Variants in ADGRF3 observed in about 807,000 individuals in gnomAD.
The protein encoded by ADGRF3 is G protein-coupled receptor 113.
A neutral mutation model predicts 93.2 loss-of-function variants in ADGRF3; 85 were observed. The observed-to-expected ratio is 0.91, with a 90% CI of 0.77 to 1.09. ADGRF3 has a LOEUF of 1.09. Among genes scored for constraint, ADGRF3 ranks in the 50% least tolerant of loss-of-function variants. The pLI is 0.00. For missense variants in ADGRF3, 1,125 were observed against 1,246.2 expected (o/e 0.90, Z 1.46); for synonymous variants, 534 against 532.5 (o/e 1.00, Z -0.04).
At chr2:26,322,233 GA>G (rs1675192364) in intron 1 of ADGRF3, among the ~76,000 whole-genome samples, 1 of 140,004 alleles carries the variant, frequency 7.1e-6, no homozygotes, top group African/African-American at 2.7e-5. Context: ...AGTGAGCCGA[GA>G]TCACTGCCAC....
chr2:26,345,221 G>T (rs1283117736), intron 1 of ADGRF3, among the ~76,000 whole-genome samples: 4 of 152,126 alleles, frequency 2.6e-5, no homozygotes, highest in African/African-American at 9.7e-5. Context: ...CACAGAAGGC[G>T]CTCAATAAAA....
At chr2:26,316,168 C>A (rs926068144) in intron 4 of ADGRF3, 107 bp downstream of exon 4, 6 of 1,187,658 alleles carry the variant, frequency 5.1e-6, no homozygotes, top group African/African-American at 1.5e-5. Flanking sequence ...AGAGGAGCAG[C>A]TGTGCTTGGA....
rs1471369145 is a variant in ADGRF3, at chr2:26,346,367, C to G, written c.-133G>C. 6.8e-7 allele frequency: 1 copy of G among 1,475,586 alleles called. No individual in the cohort carries two copies. The highest frequency in any genetic ancestry group is 2.5e-5 in the East Asian group (1 of 39,502). 91.4% of individuals were successfully genotyped at this position (1,475,586 alleles called of 1,614,324 possible). The stretch of plus-strand genomic sequence containing the variant: ...GCTGAGGGGCCCGCGCGGCGCGGTC[C>G]GTGTCACCTTGTGCCGCGTGGCTCC... On this transcript the variant is annotated 5_prime_UTR_variant, in exon 1 of 14. Coordinates refer to ENST00000651242, the MANE Select transcript of ADGRF3 (RefSeq NM_001321971.2).
At position 26,316,366 on chromosome 2, in the gene ADGRF3, G is replaced by A; in HGVS notation, c.408C>T (p.Tyr136=). The A allele has an allele frequency of 1.3e-6, 2 of 1,551,874 alleles. No individual in the cohort carries two copies. ...YQWNTSICLH[Y]PPCQSLHNHQ... ...GGTTGTGGAGGCTTTGACAAGGAGG[G>A]TAATGGAGGCAGATGCTGGTGTTCC... Residue 136 remains tyrosine (Y), a synonymous_variant, in exon 4 of 14, where the codon TAC becomes TAT. Transcript: ENST00000651242.
intron 4 of ADGRF3, 27 bp downstream of exon 4, chr2:26,316,248 G>C: frequency 1.9e-6 from 3 of 1,546,052 alleles, no homozygotes; most frequent in Non-Finnish European, 2.6e-6. Context: ...TAAGGCCATT[G>C]GTTTCCAAGT....
intron 6 of ADGRF3, 102 bp downstream of exon 6, chr2:26,314,312 G>A (rs1462570175): frequency 3.6e-6 from 4 of 1,104,762 alleles, no homozygotes; most frequent in Non-Finnish European, 5.2e-6. Flanking sequence ...CTCTCTGGTT[G>A]AACTGTGGCC....
chr2:26,311,976 C>G lies in ADGRF3; in HGVS notation c.1548G>C (p.Leu516=). Residue 516 remains leucine (L), a synonymous_variant, in exon 10 of 14, where the codon CTG becomes CTC. Transcript: ENST00000651242. ...ARKPWAGSTL[L]LAVETLACSL... ...TGCATGCCAGGGTCTCCACAGCCAGCAGGAGAGTCGAGCCTGCCCAGGGCT... is the reference window on the plus strand; with the variant it reads ...TGCATGCCAGGGTCTCCACAGCCAGGAGGAGAGTCGAGCCTGCCCAGGGCT... 1 of 1,613,562 alleles carries G rather than the reference C, an allele frequency of 6.2e-7. No homozygotes were observed. Among genetic ancestry groups the G allele is most frequent in the Non-Finnish European group, 8.5e-7 (1 of 1,179,878 alleles).
chr2:26,318,856 G>A (rs1368274453), intron 1 of ADGRF3: 2 of 1,519,266 alleles, frequency 1.3e-6, no homozygotes, highest in African/African-American at 2.8e-5. Context: ...TCTCCCCTCA[G>A]CCCTTTCCCC....
rs116141676 is a variant in ADGRF3 at position 26,318,083 on chromosome 2, G to A, written c.115-521C>T. 2.7e-3 allele frequency: 4,245 copies of A among 1,550,742 alleles called. 95 individuals are homozygous for A. The African/African-American group carries it at 0.048, about 18-fold the overall frequency. ...TCTGGCCCTTGGGCCATCGGCCAAA[G>A]CTAGAAGATAGGGGGATGGGGCAGG... is the stretch of plus-strand genomic sequence containing the variant. On this transcript the variant is annotated intron_variant, in intron 1 of 13. Coordinates refer to ENST00000651242, the MANE Select transcript of ADGRF3 (RefSeq NM_001321971.2).
chr2:26,321,172 C>G lies in ADGRF3; in HGVS notation c.115-3610G>C, dbSNP rs567093067. 1.9e-4 allele frequency among the ~76,000 whole-genome samples: 29 copies of G among 152,270 alleles called. No homozygotes were observed. In the East Asian group the frequency reaches 5.0e-3, roughly 26 times the overall value. ...ACCTCCACCTCCACCTCCAATCCCC[C>G]CTTGCCAGTTTTGCTGCTAATGGAA... On this transcript the variant is annotated intron_variant, in intron 1 of 13. Transcript: ENST00000651242.
In ADGRF3 at chr2:26,312,985, C is replaced by G. The variant is rs143266166; in HGVS notation, c.1407G>C (p.Val469=). Residue 469 remains valine, a synonymous_variant, in exon 9 of 14, where the codon GTG becomes GTC. Coordinates refer to ENST00000651242, the MANE Select transcript of ADGRF3 (RefSeq NM_001321971.2). The stretch of plus-strand genomic sequence containing the variant: ...CAAGCTGTATTCTGGCCTCTGCCAC[C>G]ACCTTGGCCACGTATTTCATGGTGC... The part of the protein sequence containing the change: ...LLSTMKYVAK[V]VAEARIQLDR... 19 of 1,613,704 alleles carry G rather than the reference C, an allele frequency of 1.2e-5. No homozygotes were observed. The highest frequency in any genetic ancestry group is 1.4e-5 in the Non-Finnish European group (17 of 1,179,818).
At chr2:26,331,124 T>C (rs1288038196) in intron 1 of ADGRF3, among the ~76,000 whole-genome samples, 1 of 152,256 alleles carries the variant, frequency 6.6e-6, no homozygotes, top group East Asian at 1.9e-4. Context: ...TCTGGTTATA[T>C]TTTTGTTACT....
At chr2:26,328,485 G>A (rs1300147087) in intron 1 of ADGRF3, among the ~76,000 whole-genome samples, 2 of 131,292 alleles carry the variant, frequency 1.5e-5, no homozygotes, top group South Asian at 4.7e-4. Flanking sequence ...ACGGAGTCTC[G>A]CTCTATTGCC....
At chr2:26,346,093 C>T (rs750463736) in intron 1 of ADGRF3, 28 bp downstream of exon 1, 1 of 1,551,896 alleles carries the variant, frequency 6.4e-7, no homozygotes, top group Non-Finnish European at 8.7e-7. Flanking sequence ...GCTACGCGTG[C>T]GCGGTGGGCG....
chr2:26,319,230 C>G, intron 1 of ADGRF3: 1 of 586,206 alleles, frequency 1.7e-6, no homozygotes, highest in Non-Finnish European at 2.9e-6. Context: ...TGGGGGCCAC[C>G]TGGAGCCCAC....
intron 6 of ADGRF3, 52 bp downstream of exon 6, chr2:26,314,362 G>A (rs1674462138): frequency 3.9e-6 from 6 of 1,535,122 alleles, no homozygotes; most frequent in Non-Finnish European, 5.3e-6. Flanking sequence ...GCCTGGAAGA[G>A]ACAGCTGCCC....
intron 12 of ADGRF3, 126 bp downstream of exon 12, chr2:26,309,917 A>T: frequency 6.3e-7 from 1 of 1,596,034 alleles, no homozygotes; most frequent in Non-Finnish European, 8.5e-7. Flanking sequence ...AAAACTGTTC[A>T]TTCTAAAAAA....
chr2:26,313,692 T>A, intron 7 of ADGRF3, 68 bp downstream of exon 7: 1 of 1,598,716 alleles, frequency 6.3e-7, no homozygotes, highest in African/African-American at 1.3e-5. Context: ...AGACGTGCCA[T>A]GCAAGAGAGC....
intron 1 of ADGRF3, among the ~76,000 whole-genome samples, chr2:26,332,697 G>C (rs1675832010): frequency 6.6e-6 from 1 of 152,070 alleles, no homozygotes; most frequent in Admixed American, 6.5e-5. Context: ...CTGTGATCAT[G>C]CCACTGGTCT....
Sources: allele counts gnomAD v4.1 joint callset (sites outside exome capture counted in the v4.1 genomes callset), GRCh38; gene constraint gnomAD v4.1.1; transcripts MANE v1.5; gene names NCBI Gene and HGNC (gene_info 2026-07-23, HGNC 2026-07-21).